The following MTNAP1 variants were observed in gnomAD, a reference collection of about 807,000 sequenced individuals.
The protein encoded by MTNAP1 is mitochondrial nucleoid-associated protein 1.
At chr17:73,241,197 G>A in the MTNAP1 span, among the ~76,000 whole-genome samples, 9 of 152,162 alleles carry the variant, frequency 5.9e-5, no homozygotes, top group Non-Finnish European at 1.3e-4. Flanking sequence ...TTGCTCTGTT[G>A]CCCAGGCTGG....
At chr17:73,242,873 A>AAGCC in the MTNAP1 span, 1 of 1,595,150 alleles carries the variant, frequency 6.3e-7, no homozygotes, top group African/African-American at 1.3e-5. Context: ...CTGTAACAAC[A>AAGCC]AGCCGTGTTT....
chr17:73,232,612 T>G, the MTNAP1 span: 1 of 300,380 alleles, frequency 3.3e-6, no homozygotes. Flanking sequence ...CCGGCAGTGG[T>G]GCAGACGGCC....
At chr17:73,235,809 T>A in the MTNAP1 span, 1 of 1,614,032 alleles carries the variant, frequency 6.2e-7, no homozygotes, top group Non-Finnish European at 8.5e-7. Context: ...CAAAGGCAGA[T>A]AAAGACATCA....
chr17:73,240,653 T>G, the MTNAP1 span, among the ~76,000 whole-genome samples: 1 of 152,254 alleles, frequency 6.6e-6, no homozygotes, highest in Non-Finnish European at 1.5e-5. Context: ...TCATTTGCCC[T>G]TCTCAGGAAG....
the MTNAP1 span, chr17:73,247,425 CACCTA>C: frequency 7.3e-7 from 1 of 1,365,654 alleles, no homozygotes; most frequent in South Asian, 1.2e-5. Context: ...TGCCCTGTAA[CACCTA>C]AGTGTAGTGG....
At chr17:73,235,932 A>C in the MTNAP1 span, 1 of 1,614,240 alleles carries the variant, frequency 6.2e-7, no homozygotes, top group Non-Finnish European at 8.5e-7. Flanking sequence ...CTCCTAAAAG[A>C]GAACTTGCCA....
At chr17:73,243,091 T>G in the MTNAP1 span, 1 of 997,248 alleles carries the variant, frequency 1.0e-6, no homozygotes, top group Non-Finnish European at 1.5e-6. Flanking sequence ...TTTTTTTTTT[T>G]TTTTTTTTTT....
At chr17:73,235,142 C>T in the MTNAP1 span, among the ~76,000 whole-genome samples, 1 of 151,936 alleles carries the variant, frequency 6.6e-6, no homozygotes, top group African/African-American at 2.4e-5. Context: ...ATTGCTTGAA[C>T]CTGGGAGGCG....
At chr17:73,236,430 T>C in the MTNAP1 span, 3 of 1,613,940 alleles carry the variant, frequency 1.9e-6, no homozygotes, top group African/African-American at 1.3e-5. Context: ...CAGAGAAAAG[T>C]ATGTCTGCAA....
At chr17:73,235,249 G>C in the MTNAP1 span, among the ~76,000 whole-genome samples, 1 of 151,418 alleles carries the variant, frequency 6.6e-6, no homozygotes, top group African/African-American at 2.4e-5. Flanking sequence ...AATAACCTTT[G>C]GTTCCTGGCC....
chr17:73,247,112 A>T, the MTNAP1 span: 2 of 780,992 alleles, frequency 2.6e-6, no homozygotes, highest in Admixed American at 4.9e-5. Context: ...AAATGTACAA[A>T]AACAAGCCCT....
the MTNAP1 span, among the ~76,000 whole-genome samples, chr17:73,244,912 G>A: frequency 6.6e-6 from 1 of 152,174 alleles, no homozygotes; most frequent in Non-Finnish European, 1.5e-5. Flanking sequence ...CATAAATGGA[G>A]AGGCCCAAAA....
the MTNAP1 span, chr17:73,245,223 C>A: frequency 6.2e-7 from 1 of 1,612,770 alleles, no homozygotes. Context: ...AGCTCTGGAA[C>A]AGCAAAGGGC....
At chr17:73,233,653 C>A in the MTNAP1 span, among the ~76,000 whole-genome samples, 2 of 152,214 alleles carry the variant, frequency 1.3e-5, no homozygotes, top group Non-Finnish European at 2.9e-5. Context: ...CACCTGAGGT[C>A]AGGAGTTCAA....
chr17:73,239,741 G>A, the MTNAP1 span, among the ~76,000 whole-genome samples: 7 of 151,666 alleles, frequency 4.6e-5, no homozygotes, highest in Admixed American at 1.3e-4. Flanking sequence ...GGCTGGTCTC[G>A]AACTCCTGAC....
At chr17:73,245,338 CTAAAA>C in the MTNAP1 span, 19 of 1,384,092 alleles carry the variant, frequency 1.4e-5, no homozygotes, top group South Asian at 5.3e-5. Context: ...TTATTGGAAT[CTAAAA>C]TAATGATACA....
At chr17:73,240,231 T>C in the MTNAP1 span, among the ~76,000 whole-genome samples, 1 of 152,372 alleles carries the variant, frequency 6.6e-6, no homozygotes, top group Non-Finnish European at 1.5e-5. Context: ...ATCCCTTTTA[T>C]TGCTCATAGT....
the MTNAP1 span, among the ~76,000 whole-genome samples, chr17:73,233,888 A>G: frequency 2.0e-5 from 3 of 151,758 alleles, no homozygotes; most frequent in East Asian, 3.9e-4. Context: ...AAAAAAGACC[A>G]AACAACAACA....
chr17:73,236,524 G>A, the MTNAP1 span: 1 of 1,614,182 alleles, frequency 6.2e-7, no homozygotes, highest in Non-Finnish European at 8.5e-7. Context: ...GGAGTCTCAA[G>A]GGGAAAGACC....
Sources: gnomAD v4.1 joint callset for allele counts (sites outside exome capture counted in the v4.1 genomes callset) on GRCh38, gnomAD v4.1.1 for gene constraint, MANE v1.5 for transcripts, NCBI Gene and HGNC (gene_info 2026-07-23, HGNC 2026-07-21) for gene names.